ACTR3C: variants seen among roughly 807,000 people sequenced by gnomAD.
ACTR3C encodes the protein actin related protein 3C.
In ACTR3C, 18 loss-of-function variants were observed where a neutral mutation model predicts 26.3. The observed-to-expected ratio is 0.68, with a 90% CI of 0.47 to 1.01. ACTR3C has a LOEUF of 1.01. ACTR3C is among the 50% of genes least tolerant of loss of function. ACTR3C has a pLI of 0.00. For synonymous variants in ACTR3C, 55 were observed against 94.5 expected (o/e 0.58, Z 2.42); for missense variants, 184 against 250.7 (o/e 0.73, Z 1.80).
downstream of ACTR3C, among the ~76,000 whole-genome samples, chr7:150,243,150 T>G (rs1007009240): frequency 5.3e-5 from 8 of 152,230 alleles, no homozygotes; most frequent in Non-Finnish European, 8.8e-5. Flanking sequence ...TCGTGATTAG[T>G]AAACGTGGTA....
At chr7:150,019,282 A>G in the ACTR3C span, among the ~76,000 whole-genome samples, 2 of 150,378 alleles carry the variant, frequency 1.3e-5, no homozygotes, top group Non-Finnish European at 2.9e-5. Context: ...GAAAGAATTA[A>G]TAACAGAAGA....
chr7:150,291,589 G>A (rs963985756), intron 3 of ACTR3C, among the ~76,000 whole-genome samples: 2 of 152,176 alleles, frequency 1.3e-5, no homozygotes, highest in African/African-American at 4.8e-5. Flanking sequence ...ACTGAACTAA[G>A]ATACGATTAA....
chr7:149,983,449 G>GTGTGTGTGTGTATATATATATATATA, the ACTR3C span, among the ~76,000 whole-genome samples: 11 of 23,268 alleles, frequency 4.7e-4, no homozygotes, highest in African/African-American at 1.5e-3. Flanking sequence ...GTGTGTGTGT[G>GTGTGTGTGTGTATATATATATATATA]TATATATATA....
At chr7:150,253,404 G>C (rs1156922385) in intron 6 of ACTR3C, among the ~76,000 whole-genome samples, 2 of 152,032 alleles carry the variant, frequency 1.3e-5, no homozygotes, top group East Asian at 3.8e-4. Context: ...GTTTTTACCC[G>C]ATTTTAATAT....
chr7:150,165,118 G>A, the ACTR3C span, among the ~76,000 whole-genome samples: 1 of 152,138 alleles, frequency 6.6e-6, no homozygotes, highest in Non-Finnish European at 1.5e-5. Flanking sequence ...GCCTGCTCCT[G>A]ACCGAAACTT....
chr7:150,288,940 G>A (rs913720616), intron 4 of ACTR3C, among the ~76,000 whole-genome samples: 7 of 151,768 alleles, frequency 4.6e-5, no homozygotes, highest in Admixed American at 2.0e-4. Context: ...AAGGCAGTGA[G>A]GAGAAGTGTG....
At chr7:149,947,389 A>G in the ACTR3C span, among the ~76,000 whole-genome samples, 114 of 110,658 alleles carry the variant, frequency 1.0e-3, no homozygotes, top group Non-Finnish European at 1.7e-3. Context: ...AAGTTTTGCA[A>G]TCATGTTGGT....
At chr7:149,982,945 G>T in the ACTR3C span, among the ~76,000 whole-genome samples, 1 of 152,138 alleles carries the variant, frequency 6.6e-6, no homozygotes, top group South Asian at 2.1e-4. Context: ...GAGTGTGGGC[G>T]TCCTTGTCTT....
intron 6 of ACTR3C, among the ~76,000 whole-genome samples, chr7:150,259,296 A>AG (rs1833474556): frequency 6.6e-6 from 1 of 151,516 alleles, no homozygotes; most frequent in African/African-American, 2.4e-5. Context: ...AAAGAAAAAG[A>AG]AAGAAAGAAA....
chr7:150,170,993 A>C, the ACTR3C span, among the ~76,000 whole-genome samples: 1 of 137,164 alleles, frequency 7.3e-6, no homozygotes, highest in East Asian at 2.0e-4. Flanking sequence ...AAAAACCGAT[A>C]GATCTGCAAA....
At chr7:150,245,215 A>G (rs1292650209), downstream of ACTR3C, 1 of 152,286 alleles carries the variant, frequency 6.6e-6, no homozygotes, top group Non-Finnish European at 1.5e-5. Context: ...CAGAGGTTGC[A>G]TAGAAGATAA....
chr7:150,118,081 G>T, the ACTR3C span, among the ~76,000 whole-genome samples: 1 of 152,128 alleles, frequency 6.6e-6, no homozygotes, highest in African/African-American at 2.4e-5. Context: ...CCATCCGAAG[G>T]TCACCAACAT....
At chr7:150,180,197 C>T in the ACTR3C span, among the ~76,000 whole-genome samples, 64,342 of 144,186 alleles carry the variant, frequency 0.45, 13,170 homozygotes, top group East Asian at 0.67. Context: ...CCCAGCTACT[C>T]GGGAGGCTGA....
chr7:149,952,859 G>A, the ACTR3C span, among the ~76,000 whole-genome samples: 1 of 151,056 alleles, frequency 6.6e-6, no homozygotes, highest in African/African-American at 2.4e-5. Context: ...TATACTGCTG[G>A]TGAGAATATA....
chr7:150,029,403 C>CA, the ACTR3C span, among the ~76,000 whole-genome samples: 451 of 41,402 alleles, frequency 0.011, 7 homozygotes, highest in African/African-American at 0.02. Context: ...TTATCAAAAA[C>CA]AAAAAAAAAA....
At chr7:150,263,334 T>C (rs1437800322) in intron 6 of ACTR3C, among the ~76,000 whole-genome samples, 9 of 152,280 alleles carry the variant, frequency 5.9e-5, no homozygotes, top group Non-Finnish European at 1.3e-4. Flanking sequence ...TGTCTGTCTA[T>C]CTAATCATCG....
the ACTR3C span, among the ~76,000 whole-genome samples, chr7:150,037,013 G>T: frequency 1.0e-5 from 1 of 97,344 alleles, no homozygotes. Flanking sequence ...TGCGATGGGG[G>T]TACCAACAGC....
chr7:150,097,371 T>G, the ACTR3C span, among the ~76,000 whole-genome samples: 3 of 151,388 alleles, frequency 2.0e-5, no homozygotes, highest in Non-Finnish European at 4.4e-5. Flanking sequence ...ATCCTGTTAT[T>G]GGGGACACAC....
chr7:150,102,653 C>T, the ACTR3C span, among the ~76,000 whole-genome samples: 6 of 152,066 alleles, frequency 3.9e-5, no homozygotes, highest in Non-Finnish European at 8.8e-5. Flanking sequence ...CTGTCACCTT[C>T]GCGGAGACAT....
Sources: allele counts gnomAD v4.1 joint callset (sites outside exome capture counted in the v4.1 genomes callset), GRCh38; gene constraint gnomAD v4.1.1; transcripts MANE v1.5; gene names NCBI Gene and HGNC (gene_info 2026-07-23, HGNC 2026-07-21).